The following PCLO variants were observed in gnomAD, a reference collection of about 807,000 sequenced individuals.
PCLO encodes the protein protein piccolo.
PCLO carries 82 observed loss-of-function variants against 427.5 expected under a neutral mutation model. The observed-to-expected ratio is 0.19, with a 90% CI of 0.16 to 0.23. The LOEUF (loss-of-function observed/expected upper bound fraction) is 0.23. Among genes scored for constraint, PCLO ranks in the 10% least tolerant of loss-of-function variants. The pLI is 1.00. For synonymous variants in PCLO, 2,357 were observed against 2,155.4 expected (o/e 1.09, Z -2.59); for missense variants, 6,239 against 6,115.9 (o/e 1.02, Z -0.67).
intron 6 of PCLO, among the ~76,000 whole-genome samples, chr7:82,929,766 G>T (rs1396455971): frequency 6.6e-6 from 1 of 152,000 alleles, no homozygotes; most frequent in Admixed American, 6.6e-5. Flanking sequence ...TTTATAAAAT[G>T]AGCTGGAATT....
chr7:82,853,676 A>G (rs1359980329), intron 10 of PCLO, among the ~76,000 whole-genome samples: 1 of 152,132 alleles, frequency 6.6e-6, no homozygotes, highest in East Asian at 1.9e-4. Flanking sequence ...TTTATCAGAA[A>G]TATGGTTTAT....
At chr7:82,895,201 A>T (rs966058349) in intron 9 of PCLO, among the ~76,000 whole-genome samples, 1 of 152,054 alleles carries the variant, frequency 6.6e-6, no homozygotes, top group Admixed American at 6.6e-5. Flanking sequence ...ATCCCCAAAC[A>T]TTAGGGAATG....
At chr7:83,024,717 T>C (rs1176302573) in intron 3 of PCLO, among the ~76,000 whole-genome samples, 1 of 152,154 alleles carries the variant, frequency 6.6e-6, no homozygotes, top group Non-Finnish European at 1.5e-5. Context: ...TCAGACAGCT[T>C]TGAAGAGAGC....
chr7:82,854,285 C>A (rs1792744483), intron 10 of PCLO, among the ~76,000 whole-genome samples: 1 of 152,074 alleles, frequency 6.6e-6, no homozygotes, highest in African/African-American at 2.4e-5. Context: ...GACATCCAAT[C>A]TGCAGTCTGA....
intron 3 of PCLO, among the ~76,000 whole-genome samples, chr7:83,058,636 C>A (rs1789462606): frequency 1.3e-5 from 2 of 151,988 alleles, no homozygotes; most frequent in Non-Finnish European, 2.9e-5. Flanking sequence ...CCTAAATTAA[C>A]TCATTTAATC....
At chr7:83,122,410 C>G (rs1025827973) in intron 3 of PCLO, among the ~76,000 whole-genome samples, 3 of 151,850 alleles carry the variant, frequency 2.0e-5, no homozygotes, top group Non-Finnish European at 4.4e-5. Context: ...CTCAGCCTCC[C>G]AAGTACCTGG....
intron 3 of PCLO, among the ~76,000 whole-genome samples, chr7:82,978,688 G>A (rs1796078076): frequency 6.6e-6 from 1 of 151,996 alleles, no homozygotes; most frequent in Non-Finnish European, 1.5e-5. Context: ...GTTAAGGTAA[G>A]AATGATCAAA....
chr7:83,158,137 A>AG (rs1792345985), intron 1 of PCLO, among the ~76,000 whole-genome samples: 1 of 152,094 alleles, frequency 6.6e-6, no homozygotes, highest in Non-Finnish European at 1.5e-5. Context: ...ACAAATAAGT[A>AG]GATTCTGAAT....
At chr7:82,842,057 C>T (rs2115784900) in intron 13 of PCLO, among the ~76,000 whole-genome samples, 1 of 152,098 alleles carries the variant, frequency 6.6e-6, no homozygotes, top group Admixed American at 6.6e-5. Flanking sequence ...AATTCATTTA[C>T]AGCCACAAAA....
At chr7:83,112,002 G>A (rs945169448) in intron 3 of PCLO, among the ~76,000 whole-genome samples, 21 of 151,974 alleles carry the variant, frequency 1.4e-4, no homozygotes, top group African/African-American at 4.8e-4. Context: ...TTCACTGAGA[G>A]TGACAGAGTA....
chr7:83,153,360 T>A (rs1310501254), intron 2 of PCLO, among the ~76,000 whole-genome samples: 1 of 152,096 alleles, frequency 6.6e-6, no homozygotes, highest in African/African-American at 2.4e-5. Flanking sequence ...ATATTACTTT[T>A]GTTTAAAAAA....
chr7:82,909,011 A>G lies in PCLO; in HGVS notation c.13303T>C (p.Tyr4435His). The change falls in exon 8 of 25, where the codon TAT (tyrosine) becomes CAT (histidine). Residue 4435 changes from tyrosine (Y) to histidine (H), a missense_variant and splice_region_variant. Tyr to His is a moderately conservative substitution (Grantham distance 83, BLOSUM62 2). Around this residue, in one of 5 missense-constraint regions of PCLO, gnomAD observed 877 missense variants for 925.5 expected, o/e 0.95. Transcript: ENST00000333891. ...FQHAMSDSEAYHLRREETDWF... is the reference protein window; with the variant it reads ...FQHAMSDSEAHHLRREETDWF... ...TCTGTTTCCTCACGACGCAGATGAT[A>G]GGCTTTGGACACCAAGGAAACATCA... is the stretch of plus-strand genomic sequence containing the variant. 6.2e-7 allele frequency: 1 copy of G among 1,612,412 alleles called. No homozygotes were observed. Among genetic ancestry groups the G allele is most frequent in the Non-Finnish European group, 8.5e-7 (1 of 1,178,988 alleles).
At chr7:82,787,381 T>C (rs545388654) in intron 22 of PCLO, among the ~76,000 whole-genome samples, 2 of 152,320 alleles carry the variant, frequency 1.3e-5, no homozygotes, top group South Asian at 4.1e-4. Flanking sequence ...TGCATAAATA[T>C]CTTCTTTTGA....
intron 22 of PCLO, among the ~76,000 whole-genome samples, chr7:82,780,312 G>T (rs891652107): frequency 5.9e-5 from 9 of 152,166 alleles, no homozygotes; most frequent in African/African-American, 1.9e-4. Flanking sequence ...ATTAAGTAGA[G>T]AATTTAGTAA....
intron 13 of PCLO, among the ~76,000 whole-genome samples, chr7:82,842,200 G>T (rs1792384713): frequency 6.6e-6 from 1 of 151,986 alleles, no homozygotes; most frequent in African/African-American, 2.4e-5. Context: ...ACAGACATAT[G>T]GAATGGAACA....
At chr7:82,869,875 C>T (rs985550122) in intron 10 of PCLO, among the ~76,000 whole-genome samples, 2 of 151,932 alleles carry the variant, frequency 1.3e-5, no homozygotes, top group African/African-American at 4.8e-5. Flanking sequence ...AACTATAAAA[C>T]ATGAAATATC....
At chr7:82,931,514 T>C (rs1359035660) in intron 6 of PCLO, among the ~76,000 whole-genome samples, 1 of 152,128 alleles carries the variant, frequency 6.6e-6, no homozygotes, top group African/African-American at 2.4e-5. Context: ...ATTGAAGTTA[T>C]CATCTGAGGT....
intron 2 of PCLO, among the ~76,000 whole-genome samples, chr7:83,143,822 G>A (rs971571883): frequency 6.6e-6 from 1 of 152,116 alleles, no homozygotes; most frequent in African/African-American, 2.4e-5. Context: ...TGCCTCTCGT[G>A]GTGAATTCAA....
At position 82,952,001 on chromosome 7, in the gene PCLO, A is replaced by G. The variant is rs1161239369; in HGVS notation, c.8952T>C (p.Tyr2984=). The G allele has an allele frequency of 6.2e-6, 10 of 1,613,892 alleles. No homozygotes were observed. The highest frequency in any genetic ancestry group is 1.1e-5 in the South Asian group (1 of 91,086). ...YQYDRSGPYG[Y]RGIGGMKPSM... ...AAGGCTTCATTCCCCCAATCCCTCTATAACCATATGGCCCTGATCGATCAT... is the reference window on the plus strand; with the variant it reads ...AAGGCTTCATTCCCCCAATCCCTCTGTAACCATATGGCCCTGATCGATCAT... Residue 2984 remains tyrosine, a synonymous_variant, in exon 5 of 25, where the codon TAT becomes TAC. Transcript: ENST00000333891.
Sources: allele counts gnomAD v4.1 joint callset (sites outside exome capture counted in the v4.1 genomes callset), GRCh38; gene constraint gnomAD v4.1.1; regional missense constraint gnomAD v4.1.1; transcripts MANE v1.5; gene names NCBI Gene and HGNC (gene_info 2026-07-23, HGNC 2026-07-21).